The following SASH1 variants were observed in gnomAD, a reference collection of about 807,000 sequenced individuals.
SASH1 encodes the protein SAM and SH3 domain containing 1, also known as SAM and SH3 domain-containing protein 1.
SASH1 carries 44 observed loss-of-function variants against 125.2 expected under a neutral mutation model. The observed-to-expected ratio is 0.35, with a 90% confidence interval of 0.28 to 0.45. The LOEUF (loss-of-function observed/expected upper bound fraction) is 0.45, where lower values mean the gene tolerates loss of function less well. Among genes scored for constraint, SASH1 ranks in the 20% least tolerant of loss-of-function variants. The pLI is 1.00. For missense variants in SASH1, 1,426 were observed against 1,614.5 expected (o/e 0.88, Z 2.00); for synonymous variants, 639 against 649.1 (o/e 0.98, Z 0.24).
intron 1 of SASH1, among the ~76,000 whole-genome samples, chr6:148,345,034 G>A (rs1035245042): frequency 7.2e-5 from 11 of 152,196 alleles, no homozygotes; most frequent in Non-Finnish European, 1.5e-4. Flanking sequence ...GATTACAGGC[G>A]TGAGCCACCG....
At chr6:148,242,741 T>TG in the SASH1 span, among the ~76,000 whole-genome samples, 1 of 152,176 alleles carries the variant, frequency 6.6e-6, no homozygotes, top group Non-Finnish European at 1.5e-5. Context: ...GAATATACTA[T>TG]GGGGGCCTCA....
intron 2 of SASH1, among the ~76,000 whole-genome samples, chr6:148,420,012 A>G (rs1784988437): frequency 6.6e-6 from 1 of 152,218 alleles, no homozygotes; most frequent in Non-Finnish European, 1.5e-5. Flanking sequence ...TTGATGTTTC[A>G]AAAATCCTTA....
intron 1 of SASH1, among the ~76,000 whole-genome samples, chr6:148,305,281 C>G (rs1176350955): frequency 6.6e-6 from 1 of 152,126 alleles, no homozygotes; most frequent in East Asian, 1.9e-4. Context: ...CAATCAGAAG[C>G]TCACCAAAGC....
intron 2 of SASH1, among the ~76,000 whole-genome samples, chr6:148,421,197 G>GAA (rs1418877112): frequency 4.9e-5 from 7 of 143,358 alleles, no homozygotes; most frequent in Non-Finnish European, 9.3e-5. Context: ...AAGAAAGAAA[G>GAA]AAAGAAAGAA....
intron 1 of SASH1, among the ~76,000 whole-genome samples, chr6:148,366,019 A>G (rs1225209178): frequency 6.6e-6 from 1 of 152,056 alleles, no homozygotes; most frequent in Non-Finnish European, 1.5e-5. Context: ...AGGCTGAGAC[A>G]GGAGAATTGC....
At chr6:148,398,327 C>T (rs905197723) in intron 2 of SASH1, among the ~76,000 whole-genome samples, 1 of 152,222 alleles carries the variant, frequency 6.6e-6, no homozygotes, top group African/African-American at 2.4e-5. Context: ...TGGCTTCACG[C>T]AGACATGCGC....
chr6:148,380,052 C>T, intron 1 of SASH1: 1 of 449,046 alleles, frequency 2.2e-6, no homozygotes, highest in Non-Finnish European at 4.5e-6. Context: ...GGCAATAGCA[C>T]CAAGAAACAG....
intron 4 of SASH1, among the ~76,000 whole-genome samples, chr6:148,442,570 A>G (rs1776590488): frequency 6.7e-6 from 1 of 150,264 alleles, no homozygotes; most frequent in Non-Finnish European, 1.5e-5. Flanking sequence ...CACCACCATT[A>G]ATTATTATTA....
chr6:148,277,273 G>A (rs1175080554), intron 1 of SASH1, among the ~76,000 whole-genome samples: 2 of 152,218 alleles, frequency 1.3e-5, no homozygotes, highest in African/African-American at 2.4e-5. Flanking sequence ...GCACAGTAAA[G>A]TCCAGCCTGT....
chr6:148,548,269 A>G lies in SASH1; in HGVS notation c.3481-26A>G, dbSNP rs1225705049. Reference sequence around the variant, plus strand: ...CCTCGATGACACATGGAGCGTTTCTATCATATTCTTTCTTAATTTATCCAG... The same window carrying G: ...CCTCGATGACACATGGAGCGTTTCTGTCATATTCTTTCTTAATTTATCCAG... On this transcript the variant is annotated intron_variant, in intron 19 of 19. Transcript: ENST00000367467. 11 of 1,591,136 alleles carry G rather than the reference A, an allele frequency of 6.9e-6. No individual in the cohort carries two copies. The South Asian group carries it at 1.2e-4, about 17-fold the overall frequency.
At chr6:148,413,550 A>T (rs1784706416) in intron 2 of SASH1, among the ~76,000 whole-genome samples, 1 of 152,136 alleles carries the variant, frequency 6.6e-6, no homozygotes, top group East Asian at 1.9e-4. Flanking sequence ...ATTCTTGTGG[A>T]ATGCGGGCTC....
chr6:148,204,474 C>T, the SASH1 span, among the ~76,000 whole-genome samples: 1 of 152,116 alleles, frequency 6.6e-6, no homozygotes, highest in Non-Finnish European at 1.5e-5. Context: ...GGCAGATCTC[C>T]TGAGGTCAGG....
At chr6:148,508,087 C>T (rs767365129) in intron 8 of SASH1, among the ~76,000 whole-genome samples, 20 of 152,228 alleles carry the variant, frequency 1.3e-4, no homozygotes, top group Non-Finnish European at 2.4e-4. Context: ...CAGGAGAACT[C>T]GGATGCTCTG....
intron 2 of SASH1, among the ~76,000 whole-genome samples, chr6:148,415,192 T>A (rs1301033402): frequency 6.6e-6 from 1 of 152,208 alleles, no homozygotes; most frequent in Non-Finnish European, 1.5e-5. Flanking sequence ...ATTAGTGCTA[T>A]TGGTGTGTGC....
intron 1 of SASH1, among the ~76,000 whole-genome samples, chr6:148,334,382 T>A (rs1781087486): frequency 7.9e-6 from 1 of 126,888 alleles, no homozygotes; most frequent in African/African-American, 3.0e-5. Flanking sequence ...GAGCCGAGAT[T>A]GCGCCACTGC....
At chr6:148,201,175 C>T in the SASH1 span, among the ~76,000 whole-genome samples, 23 of 152,210 alleles carry the variant, frequency 1.5e-4, no homozygotes, top group African/African-American at 4.6e-4. Flanking sequence ...ACCACACTGA[C>T]GTAATAATAT....
chr6:148,400,319 G>C (rs1234208178), intron 2 of SASH1, among the ~76,000 whole-genome samples: 1 of 152,228 alleles, frequency 6.6e-6, no homozygotes, highest in East Asian at 1.9e-4. Flanking sequence ...CTGGTAGTCA[G>C]CTGAGGCAGG....
the SASH1 span, among the ~76,000 whole-genome samples, chr6:148,195,682 A>G: frequency 6.6e-6 from 1 of 152,212 alleles, no homozygotes; most frequent in South Asian, 2.1e-4. Flanking sequence ...CAGCAGCCCC[A>G]GAAGGTGCCT....
intron 12 of SASH1, among the ~76,000 whole-genome samples, chr6:148,528,390 G>A (rs1781315874): frequency 6.6e-6 from 1 of 152,090 alleles, no homozygotes; most frequent in South Asian, 2.1e-4. Context: ...GAAATATGTA[G>A]GTAATGCACT....
Sources: gnomAD v4.1 joint callset for allele counts (sites outside exome capture counted in the v4.1 genomes callset) on GRCh38, gnomAD v4.1.1 for gene constraint, MANE v1.5 for transcripts, NCBI Gene and HGNC (gene_info 2026-07-23, HGNC 2026-07-21) for gene names.